Variants in MGAT5 observed in about 807,000 individuals in gnomAD.
MGAT5 encodes the protein alpha-1,6-mannosylglycoprotein 6-beta-N-acetylglucosaminyltransferase.
MGAT5 carries 30 observed loss-of-function variants against 94.3 expected under a neutral mutation model. The ratio of observed to expected loss-of-function variants is 0.32; its 90% CI spans 0.24 to 0.43. MGAT5 has a LOEUF of 0.43. Among genes scored for constraint, MGAT5 ranks in the 20% least tolerant of loss-of-function variants. The pLI is 1.00. For missense variants in MGAT5, 691 were observed against 905.5 expected (o/e 0.76, Z 3.04); for synonymous variants, 310 against 322.9 (o/e 0.96, Z 0.43).
At chr2:134,168,123 G>A (rs2105098029) in intron 1 of MGAT5, among the ~76,000 whole-genome samples, 1 of 152,308 alleles carries the variant, frequency 6.6e-6, no homozygotes, top group East Asian at 1.9e-4. Flanking sequence ...TTGCATTAAA[G>A]CAACAGCAAC....
At chr2:134,127,494 T>C (rs1359724165) in intron 1 of MGAT5, among the ~76,000 whole-genome samples, 2 of 124,912 alleles carry the variant, frequency 1.6e-5, no homozygotes, top group African/African-American at 7.3e-5. Context: ...AGGAAAAGGT[T>C]TCCCCCCCCC....
At chr2:134,387,332 A>ATTTTT (rs35936767) in intron 10 of MGAT5, among the ~76,000 whole-genome samples, 11 of 24,258 alleles carry the variant, frequency 4.5e-4, no homozygotes, top group South Asian at 3.4e-3. Flanking sequence ...ATATATATAT[A>ATTTTT]TTTTTTTTTT....
At chr2:134,405,574 T>C (rs1225758423) in intron 11 of MGAT5, among the ~76,000 whole-genome samples, 1 of 152,214 alleles carries the variant, frequency 6.6e-6, no homozygotes, top group African/African-American at 2.4e-5. Context: ...ATGAGCAATT[T>C]AAAAGCGATT....
chr2:134,368,733 C>T (rs911901889), intron 10 of MGAT5, among the ~76,000 whole-genome samples: 14 of 152,202 alleles, frequency 9.2e-5, no homozygotes, highest in African/African-American at 3.4e-4. Flanking sequence ...CAGTGAAATC[C>T]AGTCTGGGTA....
chr2:134,223,173 A>C (rs887267729), intron 1 of MGAT5, among the ~76,000 whole-genome samples: 3 of 152,174 alleles, frequency 2.0e-5, no homozygotes, highest in African/African-American at 7.2e-5. Flanking sequence ...TTAGAAGGCA[A>C]CTGAACTTGT....
chr2:134,247,553 C>T (rs77510849), intron 1 of MGAT5, among the ~76,000 whole-genome samples: 175 of 152,132 alleles, frequency 1.2e-3, no homozygotes, highest in African/African-American at 4.1e-3. Flanking sequence ...GCATGTCAAA[C>T]TTTTTTTGAA....
At chr2:134,393,230 C>T (rs1402401071) in intron 10 of MGAT5, among the ~76,000 whole-genome samples, 1 of 152,128 alleles carries the variant, frequency 6.6e-6, no homozygotes, top group Non-Finnish European at 1.5e-5. Flanking sequence ...ATTCTTGACC[C>T]CAAACTGCCT....
chr2:134,206,205 T>G (rs1380262234), intron 1 of MGAT5, among the ~76,000 whole-genome samples: 1 of 152,226 alleles, frequency 6.6e-6, no homozygotes, highest in African/African-American at 2.4e-5. Flanking sequence ...ACAGTTTACT[T>G]AAGAAACCTG....
In MGAT5 at chr2:134,318,577, A is replaced by G. The variant is rs994526122; in HGVS notation, c.484-73A>G. On this transcript the variant is annotated intron_variant, in intron 3 of 15. Transcript: ENST00000281923. Reference sequence around the variant, plus strand: ...CCATTCACTCCATCTTCACCATTCTATCCTCGCCTTCCCTGTCAGCAGATG... The same window carrying G: ...CCATTCACTCCATCTTCACCATTCTGTCCTCGCCTTCCCTGTCAGCAGATG... 4.7e-5 allele frequency: 52 copies of G among 1,109,442 alleles called. 2 individuals carry two copies. The Admixed American group carries it at 7.1e-4, about 15-fold the overall frequency. 68.7% of individuals were successfully genotyped at this position (1,109,442 alleles called of 1,614,324 possible). A position where few individuals can be genotyped will look rare whatever the true frequency, so the allele number is the denominator to read the frequency against.
chr2:134,275,802 C>T (rs1395945341), intron 2 of MGAT5, among the ~76,000 whole-genome samples: 1 of 151,834 alleles, frequency 6.6e-6, no homozygotes, highest in East Asian at 1.9e-4. Context: ...GTTGCCCAGG[C>T]TGGTTGGGCT....
intron 1 of MGAT5, among the ~76,000 whole-genome samples, chr2:134,160,517 G>T (rs1424843332): frequency 6.6e-6 from 1 of 152,220 alleles, no homozygotes; most frequent in Non-Finnish European, 1.5e-5. Context: ...TGCTCATGGG[G>T]GATGTGAAGG....
intron 1 of MGAT5, among the ~76,000 whole-genome samples, chr2:134,223,285 C>T (rs565542924): frequency 6.6e-6 from 1 of 152,170 alleles, no homozygotes; most frequent in African/African-American, 2.4e-5. Context: ...ATCTTACGTA[C>T]CCACCTTTTC....
rs1682799756 is a variant in MGAT5, at chr2:134,254,337, A to G, written c.-67A>G. 3 of 1,581,452 alleles carry G rather than the reference A, an allele frequency of 1.9e-6. No homozygotes were observed. The highest frequency in any genetic ancestry group is 2.6e-6 in the Non-Finnish European group (3 of 1,163,116). On this transcript the variant is annotated 5_prime_UTR_variant, in exon 1 of 16. Coordinates refer to ENST00000281923, the MANE Select transcript of MGAT5 (RefSeq NM_002410.5). ...ACCAGCAGACTCTCACACTCAACCT[A>G]CACCATGAATTTGTGTCTATCTTCT...
At chr2:134,295,429 A>G (rs1685615772) in intron 2 of MGAT5, among the ~76,000 whole-genome samples, 1 of 152,220 alleles carries the variant, frequency 6.6e-6, no homozygotes, top group South Asian at 2.1e-4. Flanking sequence ...ATTTCCAAAC[A>G]TAAGAGCTGC....
intron 1 of MGAT5, among the ~76,000 whole-genome samples, chr2:134,221,006 C>A (rs1558994089): frequency 6.6e-6 from 1 of 152,128 alleles, no homozygotes; most frequent in South Asian, 2.1e-4. Context: ...ACCCCCTTGT[C>A]CTGCAGTTTT....
At chr2:134,201,091 T>G (rs1359911735) in intron 1 of MGAT5, among the ~76,000 whole-genome samples, 1 of 152,016 alleles carries the variant, frequency 6.6e-6, no homozygotes. Context: ...GTCTTGTGTT[T>G]AATCATTCAA....
At chr2:134,177,315 C>T (rs1688519473) in intron 1 of MGAT5, among the ~76,000 whole-genome samples, 1 of 152,248 alleles carries the variant, frequency 6.6e-6, no homozygotes, top group South Asian at 2.1e-4. Flanking sequence ...TTTTTGAAAA[C>T]AGGTTCTCTA....
At chr2:134,428,053 G>A (rs1458954259) in intron 13 of MGAT5, among the ~76,000 whole-genome samples, 2 of 152,240 alleles carry the variant, frequency 1.3e-5, no homozygotes. Flanking sequence ...TTTGTTGAAT[G>A]CCCACTATGT....
At chr2:134,444,845 G>C (rs1001841499) in intron 15 of MGAT5, among the ~76,000 whole-genome samples, 16 of 152,192 alleles carry the variant, frequency 1.1e-4, no homozygotes, top group Non-Finnish European at 4.4e-5. Flanking sequence ...AGGGTGCAAG[G>C]GCGCAGTTAA....
Sources: allele counts gnomAD v4.1 joint callset (sites outside exome capture counted in the v4.1 genomes callset), GRCh38; gene constraint gnomAD v4.1.1; transcripts MANE v1.5; gene names NCBI Gene and HGNC (gene_info 2026-07-23, HGNC 2026-07-21).